Variants in SRCIN1 observed in about 807,000 individuals in gnomAD.
The protein encoded by SRCIN1 is SRC kinase signaling inhibitor 1.
In SRCIN1, 50 loss-of-function variants were observed where a neutral mutation model predicts 116.2. That is an observed-to-expected ratio of 0.43 (90% CI 0.34 to 0.54). The LOEUF (loss-of-function observed/expected upper bound fraction) is 0.54. Among genes scored for constraint, SRCIN1 ranks in the 20% least tolerant of loss-of-function variants. The pLI is 0.02. For synonymous variants in SRCIN1, 736 were observed against 750.0 expected, an observed-to-expected ratio of 0.98 and a Z score of 0.30; for missense variants, 1,446 against 1,672.0, an observed-to-expected ratio of 0.86 and a Z score of 2.36.
Position 38,558,294 on chromosome 17 carries a change from G to GCTGCCGCTGCAGCGGGTCCTC in SRCIN1, c.2113_2133dup (p.Glu705_Gln711dup). 1.2e-6 allele frequency: 2 copies of GCTGCCGCTGCAGCGGGTCCTC among 1,611,788 alleles called. No individual in the cohort carries two copies. The highest frequency in any genetic ancestry group is 1.7e-6 in the Non-Finnish European group (2 of 1,179,628). On this transcript the variant is annotated inframe_insertion, in exon 11 of 19. Transcript: ENST00000617146. This position sits in a 1 kb window ranked among gnomAD's most constrained non-coding sequence, Gnocchi z 4.6. ...AGCCGTTCCTCTTCCACCAGGGTGCGCTGCCGCTGCAGCGGGTCCTCCTGC... is the reference window on the plus strand; with the variant it reads ...AGCCGTTCCTCTTCCACCAGGGTGCGCTGCCGCTGCAGCGGGTCCTCCTGCCGCTGCAGCGGGTCCTCCTGC...
At chr17:38,601,547 T>C (rs769861183) in intron 1 of SRCIN1, among the ~76,000 whole-genome samples, 1 of 151,654 alleles carries the variant, frequency 6.6e-6, no homozygotes, top group Non-Finnish European at 1.5e-5. Flanking sequence ...CCTGGGGTGT[T>C]TGAGGCAGGG....
Position 38,605,679 on chromosome 17 carries a change from C to T in SRCIN1, c.22+5G>A. ...ACATTAGGGAGGAGAGAGACAGGGA[C>T]ATGCCTTGGGACGGAGCGTTCCCCA... On this transcript the variant is annotated splice_donor_5th_base_variant and intron_variant, in intron 1 of 18. Transcript: ENST00000617146. 7.4e-7 allele frequency: 1 copy of T among 1,347,404 alleles called. No homozygotes were observed. Among genetic ancestry groups the T allele is most frequent in the South Asian group, 1.8e-5 (1 of 55,298 alleles). 83.5% of individuals were successfully genotyped at this position (1,347,404 alleles called of 1,614,324 possible).
In SRCIN1 at chr17:38,531,472, A is replaced by T. The variant is rs1161751631; in HGVS notation, c.*1825T>A. On this transcript the variant is annotated 3_prime_UTR_variant, in exon 19 of 19. Transcript: ENST00000617146. ...TAATATGTAAATATATTTTTAAAAC[A>T]ATATAAAATGTTAAGACACTTCACT... The T allele has an allele frequency of 2.0e-5, 3 of 147,660 alleles. No individual in the cohort carries two copies. In the East Asian group the frequency reaches 5.8e-4, roughly 29 times the overall value. 9.1% of individuals were successfully genotyped at this position (147,660 alleles called of 1,614,324 possible). A position where few individuals can be genotyped will look rare whatever the true frequency, so the allele number is the denominator to read the frequency against.
chr17:38,547,696 G>A (rs911090794), intron 17 of SRCIN1: 3 of 289,712 alleles, frequency 1.0e-5, no homozygotes, highest in Non-Finnish European at 2.0e-5. Flanking sequence ...GGGAGGTGAG[G>A]AGAGGAAGCT....
In SRCIN1 at chr17:38,564,174, A is replaced by C. The variant is rs1906500942; in HGVS notation, c.485T>G (p.Phe162Cys). 3.8e-6 allele frequency: 6 copies of C among 1,595,808 alleles called. No individual in the cohort carries two copies. Among genetic ancestry groups the C allele is most frequent in the Non-Finnish European group, 5.1e-6 (6 of 1,172,178 alleles). Residue 162 changes from phenylalanine (F) to cysteine (C), a missense_variant, in exon 4 of 19, where the codon TTC (phenylalanine) becomes TGC (cysteine). By Grantham distance (205) the Phe-to-Cys change is radical (BLOSUM62 -2). This residue lies in a region of SRCIN1 where 246 missense variants were observed against 265.1 expected (regional missense o/e 0.93). Coordinates refer to ENST00000617146, the MANE Select transcript of SRCIN1 (RefSeq NM_025248.3). ...LPLGFSRMNR[F>C]RQSLPLSRSA... Reference sequence around the variant, plus strand: ...GCGGGAGAGAGGCAGGCTCTGTCGGAAGCGGTTCATCCTGCTGAAGCCCAG... The same window carrying C: ...GCGGGAGAGAGGCAGGCTCTGTCGGCAGCGGTTCATCCTGCTGAAGCCCAG...
At chr17:38,598,129 G>C (rs889650294) in intron 1 of SRCIN1, among the ~76,000 whole-genome samples, 1 of 152,092 alleles carries the variant, frequency 6.6e-6, no homozygotes, top group Admixed American at 6.6e-5. Flanking sequence ...GAGAGTCTGC[G>C]GCAGTCCCCA....
Position 38,548,678 on chromosome 17 carries a change from T to C in SRCIN1, c.3149A>G (p.Lys1050Arg). The change falls in exon 17 of 19, where the codon AAG becomes AGG. Residue 1050 changes from lysine to arginine, a missense_variant. By Grantham distance (26) the Lys-to-Arg change is conservative. This residue lies in a region of SRCIN1 where 531 missense variants were observed against 633.9 expected (regional missense o/e 0.84). Transcript: ENST00000617146. ...AGCCCGGCGCAGCTTCACCTGGGGC[T>C]TCTGCACCTCCAGCTCCTCGGACTC... ...KAESEELEVQ[K>R]PQVKLRRAVS... 1 of 1,610,838 alleles carries C rather than the reference T, an allele frequency of 6.2e-7. No individual in the cohort carries two copies. The highest frequency in any genetic ancestry group is 1.7e-5 in the Admixed American group (1 of 59,786).
At chr17:38,541,912 T>C (rs1318790580) in intron 18 of SRCIN1, 1 of 152,448 alleles carries the variant, frequency 6.6e-6, no homozygotes, top group Non-Finnish European at 1.5e-5. Context: ...ATCACACCAC[T>C]GGACTCCAGC....
chr17:38,540,609 C>T (rs978628692), intron 18 of SRCIN1, among the ~76,000 whole-genome samples: 4 of 151,720 alleles, frequency 2.6e-5, no homozygotes, highest in Non-Finnish European at 5.9e-5. Flanking sequence ...ACCCGCATGG[C>T]TGGAGCACAC....
In SRCIN1 at chr17:38,568,109, G is replaced by T; in HGVS notation, c.345+102C>A. On this transcript the variant is annotated intron_variant, in intron 3 of 18. Transcript: ENST00000617146. This position sits in a 1 kb window ranked among gnomAD's most constrained non-coding sequence, Gnocchi z 4.5. ...ACCGCCCATACCAGAAGGTGTCCGTGCAGATGCGCACCCCGGTGCAAAGCC... is the reference window on the plus strand; with the variant it reads ...ACCGCCCATACCAGAAGGTGTCCGTTCAGATGCGCACCCCGGTGCAAAGCC... The T allele has an allele frequency of 7.1e-7, 1 of 1,413,440 alleles. No homozygotes were observed. The highest frequency in any genetic ancestry group is 9.9e-7 in the Non-Finnish European group (1 of 1,010,956). 87.6% of individuals were successfully genotyped at this position (1,413,440 alleles called of 1,614,324 possible).
chr17:38,555,896 T>C (rs1352790731), intron 11 of SRCIN1, among the ~76,000 whole-genome samples: 3 of 152,190 alleles, frequency 2.0e-5, no homozygotes, highest in Non-Finnish European at 4.4e-5. Flanking sequence ...GAAGAGACTC[T>C]CATGTAAAGG....
Position 38,530,365 on chromosome 17 carries a change from G to A in SRCIN1, c.*2932C>T, listed in dbSNP as rs567374955. The A allele has an allele frequency of 6.6e-6, 1 of 152,296 alleles. No individual in the cohort carries two copies. Among genetic ancestry groups the A allele is most frequent in the African/African-American group, 2.4e-5 (1 of 41,538 alleles). 9.4% of individuals were successfully genotyped at this position (152,296 alleles called of 1,614,324 possible). The stretch of plus-strand genomic sequence containing the variant: ...GAAACAGCATATTGTGGAAGGGGCA[G>A]GAAATCCCCCATGCGAGTAACACAG... On this transcript the variant is annotated 3_prime_UTR_variant, in exon 19 of 19. Transcript: ENST00000617146.
At chr17:38,597,076 G>A (rs747386842) in intron 1 of SRCIN1, among the ~76,000 whole-genome samples, 4 of 152,160 alleles carry the variant, frequency 2.6e-5, no homozygotes, top group Admixed American at 6.5e-5. Context: ...CCCACAACAC[G>A]TCTGGCTACA....
In SRCIN1 at chr17:38,591,615, G is replaced by A. The variant is rs548802414; in HGVS notation, c.23-12824C>T. Among the ~76,000 whole-genome samples, 181 of 152,308 alleles carry A rather than the reference G, an allele frequency of 1.2e-3. 3 individuals are homozygous for A. In the South Asian group the frequency reaches 0.037, roughly 31 times the overall value. On this transcript the variant is annotated intron_variant, in intron 1 of 18. Coordinates refer to ENST00000617146, the MANE Select transcript of SRCIN1 (RefSeq NM_025248.3). The stretch of plus-strand genomic sequence containing the variant: ...AAACAAATGCTCAGGGCCTAAGAGC[G>A]CTGTTCCAGGGCCAGAACATACCTT...
chr17:38,574,905 C>T (rs927216318), intron 2 of SRCIN1: 7 of 400,802 alleles, frequency 1.7e-5, no homozygotes, highest in East Asian at 7.1e-5. Flanking sequence ...CCGGAGGGGG[C>T]GGAGTCGCCA....
intron 1 of SRCIN1, among the ~76,000 whole-genome samples, chr17:38,601,428 A>C (rs1909014743): frequency 6.6e-6 from 1 of 151,444 alleles, no homozygotes; most frequent in East Asian, 1.9e-4. Context: ...GGTGGGTGTG[A>C]GGGGCAGTGC....
chr17:38,547,308 C>T (rs192994952), intron 17 of SRCIN1, among the ~76,000 whole-genome samples: 7 of 152,222 alleles, frequency 4.6e-5, no homozygotes, highest in East Asian at 1.9e-4. Context: ...AGCAGAGCAG[C>T]GAAGATGGAG....
intron 18 of SRCIN1, among the ~76,000 whole-genome samples, chr17:38,534,218 G>A (rs1328192398): frequency 1.3e-5 from 2 of 152,176 alleles, no homozygotes; most frequent in East Asian, 1.9e-4. Context: ...CTTTTCCTCT[G>A]CAGCTGCGGT....
At chr17:38,589,634 C>A (rs1844916362) in intron 1 of SRCIN1, among the ~76,000 whole-genome samples, 2 of 152,346 alleles carry the variant, frequency 1.3e-5, no homozygotes, top group South Asian at 4.1e-4. Flanking sequence ...GACCTGGTTG[C>A]CTCCAGCCCT....
Sources: allele counts gnomAD v4.1 joint callset (sites outside exome capture counted in the v4.1 genomes callset), GRCh38; gene constraint gnomAD v4.1.1; regional missense constraint gnomAD v4.1.1; non-coding constraint Gnocchi (gnomAD v3.1); transcripts MANE v1.5; gene names NCBI Gene and HGNC (gene_info 2026-07-23, HGNC 2026-07-21).